Variants in SCML4 observed in about 807,000 individuals in gnomAD.
SCML4 encodes sex comb on midleg-like protein 4.
In SCML4, 34 loss-of-function variants were observed where a neutral mutation model predicts 41.1. That is an observed-to-expected ratio of 0.83 (90% CI 0.63 to 1.10). The LOEUF (loss-of-function observed/expected upper bound fraction) is 1.10. SCML4 is among the 50% of genes least tolerant of loss of function. The probability of loss-of-function intolerance (pLI) is 0.00; values close to 1 mark genes in which losing one functional copy is unlikely to be tolerated. For missense variants in SCML4, 522 were observed against 534.1 expected, an observed-to-expected ratio of 0.98 and a Z score of 0.22; for synonymous variants, 214 against 220.9, an observed-to-expected ratio of 0.97 and a Z score of 0.28.
At chr6:107,833,307 C>T in the SCML4 span, among the ~76,000 whole-genome samples, 6 of 152,140 alleles carry the variant, frequency 3.9e-5, no homozygotes, top group African/African-American at 1.2e-4. Flanking sequence ...TCTAAGTCCG[C>T]GCTGTGTGTG....
chr6:107,731,799 C>T (rs1237076088), intron 5 of SCML4, among the ~76,000 whole-genome samples: 1 of 152,236 alleles, frequency 6.6e-6, no homozygotes, highest in African/African-American at 2.4e-5. Flanking sequence ...ATTTGTAGAG[C>T]TGTGGAGCAG....
the SCML4 span, among the ~76,000 whole-genome samples, chr6:107,844,293 T>C: frequency 2.0e-5 from 3 of 152,212 alleles, no homozygotes; most frequent in Non-Finnish European, 4.4e-5. Context: ...AAAAGGGCGC[T>C]GGTCCTCAAG....
chr6:107,728,766 G>T (rs1048543666), intron 5 of SCML4, among the ~76,000 whole-genome samples: 1 of 152,168 alleles, frequency 6.6e-6, no homozygotes, highest in Admixed American at 6.5e-5. Flanking sequence ...CCCAGGCAAA[G>T]GATGTGCTGG....
chr6:107,805,432 G>A (rs1783650877), intron 1 of SCML4, among the ~76,000 whole-genome samples: 1 of 152,190 alleles, frequency 6.6e-6, no homozygotes. Context: ...CTCACTAATT[G>A]TGAGGAGGAC....
At chr6:107,777,174 G>A (rs1430888988) in intron 1 of SCML4, among the ~76,000 whole-genome samples, 1 of 152,200 alleles carries the variant, frequency 6.6e-6, no homozygotes, top group Non-Finnish European at 1.5e-5. Context: ...CTGGAGTGCA[G>A]TGGCACAATC....
chr6:107,759,177 A>C (rs1002811721), intron 2 of SCML4, among the ~76,000 whole-genome samples: 1 of 151,826 alleles, frequency 6.6e-6, no homozygotes, highest in African/African-American at 2.4e-5. Flanking sequence ...CAAAACAAAA[A>C]AAAACTGGCT....
chr6:107,739,905 T>C (rs770928726), intron 5 of SCML4, among the ~76,000 whole-genome samples: 63 of 152,326 alleles, frequency 4.1e-4, no homozygotes, highest in African/African-American at 1.4e-3. Flanking sequence ...GAGCTTACCA[T>C]GCCATCGCTG....
intron 5 of SCML4, among the ~76,000 whole-genome samples, chr6:107,735,686 C>A (rs1218545874): frequency 1.3e-5 from 2 of 151,656 alleles, no homozygotes; most frequent in East Asian, 1.9e-4. Context: ...GTAATCCCAG[C>A]TACTTGGGAG....
intron 5 of SCML4, among the ~76,000 whole-genome samples, chr6:107,736,313 T>C (rs143567490): frequency 6.6e-6 from 1 of 152,374 alleles, no homozygotes; most frequent in East Asian, 1.9e-4. Context: ...CACAAGCCCC[T>C]TGTGGACATC....
chr6:107,777,987 G>A (rs967883626), intron 1 of SCML4, among the ~76,000 whole-genome samples: 3 of 151,670 alleles, frequency 2.0e-5, no homozygotes, highest in Non-Finnish European at 4.4e-5. Flanking sequence ...GGCTGAGGCA[G>A]GTGGATCACT....
intron 7 of SCML4, 73 bp from the exon 8 acceptor site, chr6:107,705,398 G>A (rs1009543976): frequency 6.9e-7 from 1 of 1,451,398 alleles, no homozygotes; most frequent in Non-Finnish European, 9.4e-7. Flanking sequence ...CTAAGGTTAA[G>A]GTGTGGTCAA....
At chr6:107,787,754 G>A (rs1014098466) in intron 1 of SCML4, among the ~76,000 whole-genome samples, 2 of 152,272 alleles carry the variant, frequency 1.3e-5, no homozygotes, top group East Asian at 3.9e-4. Flanking sequence ...TGCCAAGTAG[G>A]AATCCATTCA....
chr6:107,832,340 G>A, the SCML4 span, among the ~76,000 whole-genome samples: 1 of 152,194 alleles, frequency 6.6e-6, no homozygotes, highest in Non-Finnish European at 1.5e-5. Flanking sequence ...CAAAGATCTG[G>A]TCTGAATCAT....
chr6:107,803,755 AC>A (rs1308035477), intron 1 of SCML4, among the ~76,000 whole-genome samples: 1 of 150,076 alleles, frequency 6.7e-6, no homozygotes, highest in Non-Finnish European at 1.5e-5. Flanking sequence ...CTTACCCCCA[AC>A]CCTGTGCTCT....
intron 5 of SCML4, among the ~76,000 whole-genome samples, chr6:107,734,752 T>C (rs1417281760): frequency 6.6e-6 from 1 of 152,234 alleles, no homozygotes; most frequent in African/African-American, 2.4e-5. Flanking sequence ...GAACACTCCC[T>C]ATTCCATGGT....
chr6:107,736,345 T>C (rs1271953890), intron 5 of SCML4, among the ~76,000 whole-genome samples: 2 of 152,228 alleles, frequency 1.3e-5, no homozygotes, highest in Non-Finnish European at 2.9e-5. Context: ...GTCAGCCCTC[T>C]GAGCTGAGAA....
the SCML4 span, among the ~76,000 whole-genome samples, chr6:107,843,042 A>G: frequency 6.6e-6 from 1 of 152,006 alleles, no homozygotes; most frequent in Non-Finnish European, 1.5e-5. Context: ...TTTATATTTC[A>G]TGTGAGACAA....
At chr6:107,736,504 CTG>C in intron 5 of SCML4, among the ~76,000 whole-genome samples, 1 of 152,296 alleles carries the variant, frequency 6.6e-6, no homozygotes, top group Middle Eastern at 3.4e-3. Flanking sequence ...TGCTATCTTG[CTG>C]TGTGTGTGGC....
intron 1 of SCML4, among the ~76,000 whole-genome samples, chr6:107,774,881 G>A (rs924024955): frequency 2.0e-5 from 3 of 151,978 alleles, no homozygotes; most frequent in African/African-American, 4.8e-5. Flanking sequence ...AAATTAGCTG[G>A]GCATGGTGGC....
Sources: allele counts gnomAD v4.1 joint callset (sites outside exome capture counted in the v4.1 genomes callset), GRCh38; gene constraint gnomAD v4.1.1; transcripts MANE v1.5; gene names NCBI Gene and HGNC (gene_info 2026-07-23, HGNC 2026-07-21).